The following SPAG16 variants were observed in gnomAD, a reference collection of about 807,000 sequenced individuals.
SPAG16 encodes sperm-associated antigen 16 protein.
SPAG16 carries 86 observed loss-of-function variants against 80.4 expected under a neutral mutation model. The observed-to-expected ratio is 1.07, with a 90% CI of 0.90 to 1.28. The LOEUF (loss-of-function observed/expected upper bound fraction) is 1.28. SPAG16 is among the 50% of genes most tolerant of loss of function. The pLI is 0.00. For synonymous variants in SPAG16, 294 were observed against 265.9 expected (o/e 1.11, Z -1.03); for missense variants, 870 against 765.3 (o/e 1.14, Z -1.61).
At chr2:214,214,359 A>G (rs1042587802) in intron 15 of SPAG16, among the ~76,000 whole-genome samples, 22 of 152,112 alleles carry the variant, frequency 1.4e-4, no homozygotes, top group Non-Finnish European at 2.6e-4. Flanking sequence ...TAACAGAGAC[A>G]GGATTTCACC....
In SPAG16 at chr2:213,455,550, G is replaced by A. The variant is rs547440462; in HGVS notation, c.943-34413G>A. On this transcript the variant is annotated intron_variant, in intron 9 of 15. Transcript: ENST00000331683. The stretch of plus-strand genomic sequence containing the variant: ...CAGGTCAGCAGTCCCCAGACTTTTC[G>A]GCACCAGGGACTGGTTTCATGGAAG... Among the ~76,000 whole-genome samples, 105 of 152,216 alleles carry A rather than the reference G, an allele frequency of 6.9e-4. 1 individual carries two copies. Among genetic ancestry groups the A allele is most frequent in the South Asian group, 3.5e-3 (17 of 4,808 alleles).
chr2:213,388,875 A>G (rs1039937079), intron 9 of SPAG16, among the ~76,000 whole-genome samples: 1 of 152,222 alleles, frequency 6.6e-6, no homozygotes, highest in African/African-American at 2.4e-5. Context: ...CACAATTTCT[A>G]TCAAAATCCC....
intron 10 of SPAG16, among the ~76,000 whole-genome samples, chr2:213,588,815 A>AAAAAAC (rs2060572404): frequency 7.7e-6 from 1 of 129,700 alleles, no homozygotes; most frequent in East Asian, 2.0e-4. Context: ...TCTCAAAAAA[A>AAAAAAC]AAAAAAAAAA....
intron 13 of SPAG16, among the ~76,000 whole-genome samples, chr2:214,047,295 G>C (rs4673810): frequency 0.027 from 4,174 of 152,166 alleles, 120 homozygotes; most frequent in South Asian, 0.14. Context: ...ATGCTCCAGA[G>C]CTTTGATTAA....
At chr2:214,326,818 G>A (rs528075959) in intron 15 of SPAG16, among the ~76,000 whole-genome samples, 5 of 151,874 alleles carry the variant, frequency 3.3e-5, no homozygotes, top group Admixed American at 1.3e-4. Context: ...GGTGGCGGGC[G>A]CCTGTGGTCC....
At chr2:213,984,570 G>A (rs982712779) in intron 12 of SPAG16, among the ~76,000 whole-genome samples, 12 of 152,058 alleles carry the variant, frequency 7.9e-5, no homozygotes, top group African/African-American at 2.2e-4. Context: ...CATGGGACAT[G>A]GGAAGCAGTC....
At chr2:213,609,060 T>C (rs919102173) in intron 10 of SPAG16, among the ~76,000 whole-genome samples, 22 of 152,232 alleles carry the variant, frequency 1.4e-4, no homozygotes, top group African/African-American at 5.1e-4. Flanking sequence ...AAGATCTCTA[T>C]AAAAATTACA....
intron 12 of SPAG16, among the ~76,000 whole-genome samples, chr2:213,976,333 C>CAT (rs1007527745): frequency 1.4e-5 from 2 of 148,076 alleles, no homozygotes; most frequent in African/African-American, 5.2e-5. Context: ...CGCATGTGTG[C>CAT]ACATATATAT....
chr2:213,823,544 G>C (rs956522821), intron 10 of SPAG16, among the ~76,000 whole-genome samples: 11 of 152,100 alleles, frequency 7.2e-5, no homozygotes, highest in Admixed American at 3.3e-4. Context: ...ATTTTTAGTA[G>C]AGATAGGGTT....
intron 7 of SPAG16, among the ~76,000 whole-genome samples, chr2:213,350,990 C>G (rs1194944201): frequency 2.0e-5 from 3 of 148,656 alleles, no homozygotes; most frequent in Non-Finnish European, 4.5e-5. Context: ...AAACAAAAAA[C>G]AAATAGCCGG....
intron 10 of SPAG16, among the ~76,000 whole-genome samples, chr2:213,852,198 A>G (rs914211000): frequency 3.3e-5 from 5 of 152,228 alleles, no homozygotes; most frequent in African/African-American, 1.2e-4. Flanking sequence ...AAATACCAAT[A>G]TACAAAAGCG....
At chr2:213,852,786 T>C (rs888777181) in intron 10 of SPAG16, among the ~76,000 whole-genome samples, 5 of 152,200 alleles carry the variant, frequency 3.3e-5, no homozygotes, top group Non-Finnish European at 5.9e-5. Context: ...TGATCTGTTC[T>C]CCCCTACACA....
intron 15 of SPAG16, among the ~76,000 whole-genome samples, chr2:214,403,525 A>T (rs1405775026): frequency 1.3e-5 from 2 of 152,076 alleles, no homozygotes; most frequent in African/African-American, 4.8e-5. Flanking sequence ...ATTACAGCAC[A>T]TTCCAATTTG....
intron 15 of SPAG16, among the ~76,000 whole-genome samples, chr2:214,233,865 G>A (rs1352423384): frequency 6.6e-6 from 1 of 151,860 alleles, no homozygotes; most frequent in Non-Finnish European, 1.5e-5. Context: ...GCAGTTTTTT[G>A]TTCGACAAAC....
chr2:213,589,388 C>A (rs1437391965), intron 10 of SPAG16, among the ~76,000 whole-genome samples: 3 of 152,136 alleles, frequency 2.0e-5, no homozygotes, highest in African/African-American at 4.8e-5. Flanking sequence ...ATGGAAAGTG[C>A]TAATTTTTCA....
intron 14 of SPAG16, among the ~76,000 whole-genome samples, chr2:214,144,296 A>C (rs761981074): frequency 6.0e-5 from 9 of 148,986 alleles, no homozygotes; most frequent in Non-Finnish European, 1.2e-4. Flanking sequence ...TAAAGTATTA[A>C]AGGATTATAA....
intron 12 of SPAG16, among the ~76,000 whole-genome samples, chr2:213,976,131 T>TACACAC (rs1283509291): frequency 1.8e-4 from 19 of 105,000 alleles, no homozygotes; most frequent in African/African-American, 7.6e-4. Flanking sequence ...TATATATATA[T>TACACAC]ATATACACAC....
intron 15 of SPAG16, chr2:214,281,451 A>C (rs1449313215): frequency 1.1e-5 from 2 of 178,932 alleles, no homozygotes; most frequent in Admixed American, 1.0e-4. Flanking sequence ...AATGAACCAC[A>C]TCCTGCAGAG....
chr2:213,402,978 T>A (rs2068405285), intron 9 of SPAG16, among the ~76,000 whole-genome samples: 1 of 152,074 alleles, frequency 6.6e-6, no homozygotes, highest in African/African-American at 2.4e-5. Flanking sequence ...GTATTTCTAG[T>A]TCTAGATCCC....
Sources: gnomAD v4.1 joint callset for allele counts (sites outside exome capture counted in the v4.1 genomes callset) on GRCh38, gnomAD v4.1.1 for gene constraint, MANE v1.5 for transcripts, NCBI Gene and HGNC (gene_info 2026-07-23, HGNC 2026-07-21) for gene names.